The following WWP2 variants were observed in gnomAD, a reference collection of about 807,000 sequenced individuals.
The protein encoded by WWP2 is NEDD4-like E3 ubiquitin-protein ligase WWP2.
In WWP2, 57 loss-of-function variants were observed where a neutral mutation model predicts 121.0. The ratio of observed to expected loss-of-function variants is 0.47; its 90% CI spans 0.38 to 0.59. The LOEUF (loss-of-function observed/expected upper bound fraction) is 0.59, where lower values mean the gene tolerates loss of function less well. Among genes scored for constraint, WWP2 ranks in the 20% least tolerant of loss-of-function variants. WWP2 has a pLI of 0.00. For missense variants in WWP2, 962 were observed against 1,158.9 expected (o/e 0.83, Z 2.47); for synonymous variants, 449 against 441.3 (o/e 1.02, Z -0.22).
intron 1 of WWP2, among the ~76,000 whole-genome samples, chr16:69,783,712 GC>G (rs1465984716): frequency 6.6e-6 from 1 of 152,090 alleles, no homozygotes; most frequent in Non-Finnish European, 1.5e-5. Flanking sequence ...TTGGGAGGCT[GC>G]GGCAGAAGAA....
At chr16:69,918,880 G>A (rs190428973) in intron 10 of WWP2, among the ~76,000 whole-genome samples, 22 of 116,714 alleles carry the variant, frequency 1.9e-4, no homozygotes, top group Admixed American at 5.4e-4. Flanking sequence ...GTCTTGCTCT[G>A]TTGCCCATGC....
intron 6 of WWP2, among the ~76,000 whole-genome samples, chr16:69,867,597 C>T (rs921587066): frequency 2.0e-4 from 31 of 152,302 alleles, no homozygotes; most frequent in African/African-American, 6.7e-4. Flanking sequence ...GGGACCTCAT[C>T]TGTGTCAGAA....
chr16:69,894,462 G>T (rs1388922299), intron 8 of WWP2, among the ~76,000 whole-genome samples: 1 of 152,174 alleles, frequency 6.6e-6, no homozygotes, highest in Admixed American at 6.5e-5. Flanking sequence ...AGAACTGAAG[G>T]CTGCTGAAAC....
At chr16:69,810,276 A>G (rs1273297107) in intron 4 of WWP2, among the ~76,000 whole-genome samples, 1 of 145,574 alleles carries the variant, frequency 6.9e-6, no homozygotes, top group Non-Finnish European at 1.5e-5. Flanking sequence ...CGGATGGTCA[A>G]CCTGGGCTGA....
At chr16:69,863,623 A>G (rs2057466638) in intron 6 of WWP2, among the ~76,000 whole-genome samples, 1 of 152,206 alleles carries the variant, frequency 6.6e-6, no homozygotes, top group Non-Finnish European at 1.5e-5. Context: ...CCTGGGTGAA[A>G]GAGTGAAACT....
In WWP2 at chr16:69,934,044, A is replaced by G. The variant is rs763978892; in HGVS notation, c.1757A>G (p.Asn586Ser). 3.7e-6 allele frequency: 6 copies of G among 1,613,994 alleles called. No homozygotes were observed. The highest frequency in any genetic ancestry group is 3.3e-5 in the South Asian group (3 of 91,072). ...TTATTTGAATATGCCGGAAAGAACA[A>G]TTACTGCCTGCAGATCAACCCCGCC... is the stretch of plus-strand genomic sequence containing the variant. Reference protein sequence around the residue: ...YCLFEYAGKNNYCLQINPASS... With the variant: ...YCLFEYAGKNSYCLQINPASS... The change falls in exon 17 of 24, where the codon AAT becomes AGT. Residue 586 changes from asparagine to serine, a missense_variant. Transcript: ENST00000359154.
At chr16:69,890,272 G>A (rs892727852) in intron 8 of WWP2, among the ~76,000 whole-genome samples, 4 of 152,016 alleles carry the variant, frequency 2.6e-5, no homozygotes, top group African/African-American at 7.3e-5. Flanking sequence ...CCTAGCATGC[G>A]CCACGCTACC....
Position 69,867,078 on chromosome 16 carries a change from C to A in WWP2, c.576-4726C>A, listed in dbSNP as rs533061297. On this transcript the variant is annotated intron_variant, in intron 6 of 23. Coordinates refer to ENST00000359154, the MANE Select transcript of WWP2 (RefSeq NM_001270454.2). ...CTCGAACTCCTGACCTCAGGTGATC[C>A]ACCTGCCTCAGCCTCCTGAAGTGCT... 2.0e-5 allele frequency among the ~76,000 whole-genome samples: 3 copies of A among 151,570 alleles called. No homozygotes were observed. In the South Asian group the frequency reaches 6.3e-4, roughly 32 times the overall value.
intron 11 of WWP2, among the ~76,000 whole-genome samples, chr16:69,929,126 C>A (rs963388936): frequency 5.3e-5 from 8 of 152,196 alleles, no homozygotes; most frequent in African/African-American, 1.9e-4. Flanking sequence ...CAGCTGGGAG[C>A]AATTATGCCT....
chr16:69,865,404 T>A (rs2057502817), intron 6 of WWP2, among the ~76,000 whole-genome samples: 1 of 152,188 alleles, frequency 6.6e-6, no homozygotes, highest in African/African-American at 2.4e-5. Flanking sequence ...TTGCTGAATT[T>A]TAAGAGTTCT....
At chr16:69,882,342 A>G (rs532331070) in intron 7 of WWP2, among the ~76,000 whole-genome samples, 2 of 152,104 alleles carry the variant, frequency 1.3e-5, no homozygotes, top group South Asian at 4.2e-4. Context: ...TTAGTTTTTA[A>G]TTTTTTTTAT....
chr16:69,876,840 G>T (rs775427622), intron 7 of WWP2, among the ~76,000 whole-genome samples: 1 of 152,140 alleles, frequency 6.6e-6, no homozygotes, highest in Admixed American at 6.5e-5. Context: ...ATGTTGAAAG[G>T]AATCTTTTTT....
chr16:69,787,405 A>C (rs913608435), intron 2 of WWP2, among the ~76,000 whole-genome samples: 6 of 152,144 alleles, frequency 3.9e-5, no homozygotes, highest in African/African-American at 1.4e-4. Flanking sequence ...CCTGGGAAAC[A>C]TAGGGAAGCC....
At chr16:69,858,319 T>C (rs1324679041) in intron 6 of WWP2, among the ~76,000 whole-genome samples, 2 of 152,112 alleles carry the variant, frequency 1.3e-5, no homozygotes, top group African/African-American at 4.8e-5. Flanking sequence ...TTCATCTTTG[T>C]GTCCCCAGCA....
intron 1 of WWP2, among the ~76,000 whole-genome samples, chr16:69,778,187 TA>T (rs1392164820): frequency 3.3e-5 from 3 of 90,166 alleles, no homozygotes; most frequent in African/African-American, 7.5e-5. Context: ...TATATATATA[TA>T]TATATTTTTT....
Position 69,925,062 on chromosome 16 carries a change from G to T in WWP2, c.1180-368G>T. 9.8e-7 allele frequency: 1 copy of T among 1,019,258 alleles called. No homozygotes were observed. The highest frequency in any genetic ancestry group is 1.2e-6 in the Non-Finnish European group (1 of 852,614). The allele number at this position is 1,019,258 out of a possible 1,614,324, so 63.1% of individuals were successfully genotyped here. A position where few individuals can be genotyped will look rare whatever the true frequency, so the allele number is the denominator to read the frequency against. ...TCAGTCGCCTTGGCCGCCTTGAGCC[G>T]GAGCTGAGCGGAGGCACTGGGCCGA... On this transcript the variant is annotated intron_variant, in intron 10 of 23. Coordinates refer to ENST00000359154, the MANE Select transcript of WWP2 (RefSeq NM_001270454.2). The surrounding 1 kb of genome is among the most constrained non-coding windows in gnomAD (Gnocchi z 4.0).
At chr16:69,834,896 G>A (rs898661831) in intron 4 of WWP2, among the ~76,000 whole-genome samples, 2 of 151,888 alleles carry the variant, frequency 1.3e-5, no homozygotes, top group Non-Finnish European at 2.9e-5. Context: ...AAAAGAAATT[G>A]CTTATTGTCT....
intron 1 of WWP2, among the ~76,000 whole-genome samples, chr16:69,777,267 G>A (rs1358276773): frequency 6.6e-6 from 1 of 151,448 alleles, no homozygotes; most frequent in Non-Finnish European, 1.5e-5. Flanking sequence ...AACTTTTTGT[G>A]AAATAATACT....
At chr16:69,829,004 A>G (rs2056750905) in intron 4 of WWP2, among the ~76,000 whole-genome samples, 1 of 151,964 alleles carries the variant, frequency 6.6e-6, no homozygotes, top group Admixed American at 6.6e-5. Context: ...ACCTCCTCAG[A>G]CTTGGTCCTG....
Sources: gnomAD v4.1 joint callset for allele counts (sites outside exome capture counted in the v4.1 genomes callset) on GRCh38, gnomAD v4.1.1 for gene constraint, Gnocchi (gnomAD v3.1) non-coding constraint, MANE v1.5 for transcripts, NCBI Gene and HGNC (gene_info 2026-07-23, HGNC 2026-07-21) for gene names.